The following ETV7 variants were observed in gnomAD, a reference collection of about 807,000 sequenced individuals.
ETV7 encodes ETS variant transcription factor 7.
In ETV7, 43 loss-of-function variants were observed where a neutral mutation model predicts 39.1. The ratio of observed to expected loss-of-function variants is 1.10; its 90% CI spans 0.86 to 1.42. The LOEUF (loss-of-function observed/expected upper bound fraction) is 1.42, where lower values mean the gene tolerates loss of function less well. ETV7 is among the 40% of genes most tolerant of loss of function. The pLI is 0.00. For missense variants in ETV7, 432 were observed against 442.3 expected (o/e 0.98, Z 0.21); for synonymous variants, 196 against 176.6 (o/e 1.11, Z -0.87).
chr6:36,375,668 A>G (rs1449308070), intron 3 of ETV7, among the ~76,000 whole-genome samples: 1 of 152,184 alleles, frequency 6.6e-6, no homozygotes, highest in Non-Finnish European at 1.5e-5. Flanking sequence ...CAAGTGGTCA[A>G]ATGGACTCCC....
chr6:36,363,827 T>C (rs961139271), downstream of ETV7, among the ~76,000 whole-genome samples: 7 of 148,140 alleles, frequency 4.7e-5, no homozygotes, highest in South Asian at 2.2e-4. Context: ...CCCACCAGAG[T>C]AGCTAGATAC....
intron 3 of ETV7, among the ~76,000 whole-genome samples, chr6:36,374,082 G>T (rs1257452077): frequency 2.6e-5 from 4 of 152,182 alleles, no homozygotes; most frequent in Non-Finnish European, 4.4e-5. Flanking sequence ...GAAAAGCCAG[G>T]TGCGGTGGCT....
intron 2 of ETV7, among the ~76,000 whole-genome samples, chr6:36,378,876 C>A (rs188571226): frequency 1.3e-5 from 2 of 152,212 alleles, no homozygotes; most frequent in Non-Finnish European, 2.9e-5. Context: ...TCCCCTGTGG[C>A]ACAGCAAATC....
chr6:36,356,931 T>G (rs1772357655), intron 7 of ETV7, among the ~76,000 whole-genome samples: 1 of 152,156 alleles, frequency 6.6e-6, no homozygotes, highest in Admixed American at 6.5e-5. Flanking sequence ...GAAAACATCA[T>G]CACAGGTTAA....
Position 36,366,868 on chromosome 6 carries a change from C to A in ETV7, c.908+7G>T. On this transcript the variant is annotated splice_region_variant and intron_variant, in intron 7 of 7. Transcript: ENST00000340181. ...TCCCCTTTCACCACATCCCCTAGGC[C>A]ACTCACCTGAACAGGAGTTTCTGCC... The A allele has an allele frequency of 6.2e-7, 1 of 1,613,850 alleles. No individual in the cohort carries two copies. The highest frequency in any genetic ancestry group is 8.5e-7 in the Non-Finnish European group (1 of 1,179,778).
chr6:36,375,248 C>T (rs1773259785), intron 3 of ETV7, among the ~76,000 whole-genome samples: 1 of 152,038 alleles, frequency 6.6e-6, no homozygotes, highest in Non-Finnish European at 1.5e-5. Flanking sequence ...GACACCAAAT[C>T]AGCACAAACA....
chr6:36,366,899 T>A lies in ETV7; in HGVS notation c.884A>T (p.Glu295Val). Residue 295 changes from glutamate to valine, a missense_variant, in exon 7 of 8, where the codon GAA becomes GTA. Coordinates refer to ENST00000340181, the MANE Select transcript of ETV7 (RefSeq NM_016135.4). Reference protein sequence around the residue: ...HYYKLNIIKKEPGQKLLFRFL... With the variant: ...HYYKLNIIKKVPGQKLLFRFL... ...CCTGAACAGGAGTTTCTGCCCCGGT[T>A]CCTTCTTAATGATATTAAGCTTATA... The A allele has an allele frequency of 6.2e-7, 1 of 1,614,038 alleles. No homozygotes were observed. The highest frequency in any genetic ancestry group is 1.1e-5 in the South Asian group (1 of 91,064).
chr6:36,360,658 A>G (rs1236982857), intron 7 of ETV7, among the ~76,000 whole-genome samples: 1 of 152,170 alleles, frequency 6.6e-6, no homozygotes, highest in Admixed American at 6.5e-5. Context: ...CACTAACACA[A>G]AAAGAGGCTT....
At chr6:36,356,797 G>T (rs554561223) in intron 7 of ETV7, among the ~76,000 whole-genome samples, 1 of 152,334 alleles carries the variant, frequency 6.6e-6, no homozygotes, top group African/African-American at 2.4e-5. Flanking sequence ...GGAATGCTGG[G>T]CTGACACCTG....
At chr6:36,386,314 C>A (rs1318245434) in intron 1 of ETV7, among the ~76,000 whole-genome samples, 4 of 152,136 alleles carry the variant, frequency 2.6e-5, no homozygotes, top group Non-Finnish European at 5.9e-5. Flanking sequence ...GGCAAGAGAG[C>A]AAGACTCCGT....
intron 4 of ETV7, among the ~76,000 whole-genome samples, chr6:36,372,327 G>C (rs1418908798): frequency 6.6e-6 from 1 of 152,194 alleles, no homozygotes; most frequent in East Asian, 1.9e-4. Context: ...GAGCACGGGG[G>C]AGAAGGCTGG....
chr6:36,368,928 C>A lies in ETV7; in HGVS notation c.807+1G>T, dbSNP rs779724253. The A allele has an allele frequency of 2.3e-5, 37 of 1,614,046 alleles. No individual in the cohort carries two copies. The highest frequency in any genetic ancestry group is 3.4e-6 in the Non-Finnish European group (4 of 1,180,024). On this transcript the variant is annotated splice_donor_variant, in intron 6 of 7. Coordinates refer to ENST00000340181, the MANE Select transcript of ETV7 (RefSeq NM_016135.4). LOFTEE classifies it high-confidence loss of function. ...AGACCATTCTGCTGGCCGAGGCTCACCTTGTGATTTCCCCAGAGTCTGGCG... is the reference window on the plus strand; with the variant it reads ...AGACCATTCTGCTGGCCGAGGCTCAACTTGTGATTTCCCCAGAGTCTGGCG...
intron 7 of ETV7, among the ~76,000 whole-genome samples, chr6:36,357,105 T>C (rs1035721996): frequency 6.6e-6 from 1 of 152,304 alleles, no homozygotes; most frequent in Admixed American, 6.5e-5. Flanking sequence ...TTAATCTACA[T>C]GTAGGGAGCC....
At chr6:36,363,499 C>G (rs143786285), downstream of ETV7, among the ~76,000 whole-genome samples, 1 of 152,014 alleles carries the variant, frequency 6.6e-6, no homozygotes, top group Non-Finnish European at 1.5e-5. Flanking sequence ...GTCGTGGGCT[C>G]GCTGGCTTCA....
chr6:36,373,461 G>A lies in ETV7; in HGVS notation c.425C>T (p.Pro142Leu). 6.4e-7 allele frequency: 1 copy of A among 1,560,362 alleles called. No individual in the cohort carries two copies. Among genetic ancestry groups the A allele is most frequent in the Non-Finnish European group, 8.6e-7 (1 of 1,157,860 alleles). The change falls in exon 4 of 8, where the codon CCC becomes CTC. Residue 142 changes from proline to leucine, a missense_variant. Pro to Leu is a moderately conservative substitution (Grantham distance 98, BLOSUM62 -3). Transcript: ENST00000340181. ...ACAGAGAGCTTCCTCACCTTCCGGG[G>A]GGACTGGAGAGTGCTGGGTGGGCGT... ...LKTPTQHSPV[P>L]PEEVTGPSQM...
chr6:36,357,835 AC>A (rs1426708722), intron 7 of ETV7, among the ~76,000 whole-genome samples: 1 of 152,138 alleles, frequency 6.6e-6, no homozygotes, highest in Non-Finnish European at 1.5e-5. Flanking sequence ...CCAAAATTGT[AC>A]CACTGCACTC....
chr6:36,387,452 G>C, intron 1 of ETV7, 84 bp downstream of exon 1: 1 of 1,575,804 alleles, frequency 6.3e-7, no homozygotes. Context: ...GATAAAATAG[G>C]TTTGGAAATC....
At chr6:36,363,108 T>TC (rs1772564321), downstream of ETV7, among the ~76,000 whole-genome samples, 1 of 152,210 alleles carries the variant, frequency 6.6e-6, no homozygotes, top group Admixed American at 6.5e-5. Context: ...AAGCCAGGTA[T>TC]GCAGCTCTGG....
intron 2 of ETV7, among the ~76,000 whole-genome samples, chr6:36,381,032 T>C (rs1773625855): frequency 6.6e-6 from 1 of 151,962 alleles, no homozygotes; most frequent in Non-Finnish European, 1.5e-5. Flanking sequence ...ACCAAAGCTA[T>C]TTCCCACCAC....
Sources: gnomAD v4.1 joint callset for allele counts (sites outside exome capture counted in the v4.1 genomes callset) on GRCh38, gnomAD v4.1.1 for gene constraint, MANE v1.5 for transcripts, NCBI Gene and HGNC (gene_info 2026-07-23, HGNC 2026-07-21) for gene names.